Variants in ZFPM2 observed in about 807,000 individuals in gnomAD.
ZFPM2 encodes the protein zinc finger protein, FOG family member 2.
A neutral mutation model predicts 98.6 loss-of-function variants in ZFPM2; 20 were observed. The observed-to-expected ratio is 0.20, with a 90% CI of 0.14 to 0.29. The LOEUF is 0.29. Ranked by LOEUF, ZFPM2 falls within the 10% of genes least tolerant of loss-of-function variation. The probability of loss-of-function intolerance (pLI) is 1.00; values close to 1 mark genes in which losing one functional copy is unlikely to be tolerated. For missense variants in ZFPM2, 1,310 were observed against 1,388.6 expected, an observed-to-expected ratio of 0.94 and a Z score of 0.90; for synonymous variants, 518 against 502.7, an observed-to-expected ratio of 1.03 and a Z score of -0.41.
At chr8:105,779,394 C>G (rs566979728) in intron 5 of ZFPM2, among the ~76,000 whole-genome samples, 1 of 152,308 alleles carries the variant, frequency 6.6e-6, no homozygotes, top group South Asian at 2.1e-4. Flanking sequence ...AAGCAAGCGT[C>G]TATCAATCAC....
intron 1 of ZFPM2, among the ~76,000 whole-genome samples, chr8:105,326,671 A>G (rs1335008844): frequency 6.6e-6 from 1 of 151,684 alleles, no homozygotes; most frequent in East Asian, 1.9e-4. Flanking sequence ...ATAATAGTTA[A>G]TATTAAGTAG....
rs1484296760 is a variant in ZFPM2, at chr8:105,802,253, A to G, written c.2171A>G (p.Asn724Ser). ...HDPPLKRSAS[N>S]KVPAMQRTMR... is the part of the protein sequence containing the mutation. ...CCTCCACTGAAGAGGTCTGCTTCCA[A>G]CAAAGTGCCTGCCATGCAGAGAACC... Residue 724 changes from asparagine to serine, a missense_variant, in exon 8 of 8, where the codon AAC becomes AGC. Physicochemically the swap from Asn to Ser is conservative, Grantham distance 46. Transcript: ENST00000407775. 3.1e-6 allele frequency: 5 copies of G among 1,613,772 alleles called. No homozygotes were observed. Among genetic ancestry groups the G allele is most frequent in the East Asian group, 2.2e-5 (1 of 44,852 alleles).
intron 5 of ZFPM2, among the ~76,000 whole-genome samples, chr8:105,704,776 G>C (rs1056610718): frequency 6.6e-6 from 1 of 152,170 alleles, no homozygotes; most frequent in African/African-American, 2.4e-5. Context: ...GTGGACTACA[G>C]TTCAACTCCA....
At chr8:105,370,818 A>G (rs981918680) in intron 1 of ZFPM2, among the ~76,000 whole-genome samples, 1 of 152,218 alleles carries the variant, frequency 6.6e-6, no homozygotes, top group Non-Finnish European at 1.5e-5. Flanking sequence ...AATTTGCTCA[A>G]AGGAATCTAG....
At chr8:105,716,667 T>C (rs148296337) in intron 5 of ZFPM2, among the ~76,000 whole-genome samples, 3 of 152,152 alleles carry the variant, frequency 2.0e-5, no homozygotes, top group Non-Finnish European at 2.9e-5. Context: ...AAGATCCTCT[T>C]GATTTAGTCA....
chr8:105,405,578 C>T (rs1586348901), intron 1 of ZFPM2, among the ~76,000 whole-genome samples: 1 of 151,776 alleles, frequency 6.6e-6, no homozygotes, highest in Admixed American at 6.6e-5. Context: ...TGGTTTCCAG[C>T]TTCATCCATG....
At chr8:105,723,328 G>A (rs1811716178) in intron 5 of ZFPM2, among the ~76,000 whole-genome samples, 1 of 151,934 alleles carries the variant, frequency 6.6e-6, no homozygotes. Context: ...ATATTCAGTG[G>A]TATAATCGTT....
chr8:105,597,215 A>C (rs149051602), intron 4 of ZFPM2, among the ~76,000 whole-genome samples: 197 of 152,192 alleles, frequency 1.3e-3, no homozygotes, highest in African/African-American at 4.3e-3. Flanking sequence ...ATCAGTAATA[A>C]ATCTTTGAAT....
In ZFPM2 at chr8:105,481,840, G is replaced by C. The variant is rs147440649; in HGVS notation, c.301+37459G>C. Among the ~76,000 whole-genome samples the C allele has an allele frequency of 2.9e-3, 439 of 152,312 alleles. 4 individuals carry two copies. The highest frequency in any genetic ancestry group is 1.0e-2 in the African/African-American group (415 of 41,574). ...GATGCAGTCACAAACTAACTCGATAGTGTGTGTTGGAGCACAAATTCAAGC... is the reference window on the plus strand; with the variant it reads ...GATGCAGTCACAAACTAACTCGATACTGTGTGTTGGAGCACAAATTCAAGC... On this transcript the variant is annotated intron_variant, in intron 3 of 7. Coordinates refer to ENST00000407775, the MANE Select transcript of ZFPM2 (RefSeq NM_012082.4).
At chr8:105,794,560 G>C (rs866665839) in intron 6 of ZFPM2, among the ~76,000 whole-genome samples, 2 of 152,310 alleles carry the variant, frequency 1.3e-5, no homozygotes, top group East Asian at 1.9e-4. Flanking sequence ...GCAGTCTGCG[G>C]GTTCTCAGAT....
intron 2 of ZFPM2, among the ~76,000 whole-genome samples, chr8:105,441,932 G>A (rs1812259339): frequency 6.6e-6 from 1 of 152,056 alleles, no homozygotes; most frequent in African/African-American, 2.4e-5. Flanking sequence ...CTGCAAAATG[G>A]GGCACAGAAG....
chr8:105,517,221 T>A (rs1813943321), intron 3 of ZFPM2, among the ~76,000 whole-genome samples: 1 of 152,204 alleles, frequency 6.6e-6, no homozygotes, highest in Non-Finnish European at 1.5e-5. Flanking sequence ...AGTGGTCGAA[T>A]CTTAAGTAAC....
chr8:105,321,186 A>C (rs1453555318), intron 1 of ZFPM2, among the ~76,000 whole-genome samples: 2 of 152,190 alleles, frequency 1.3e-5, no homozygotes, highest in African/African-American at 4.8e-5. Context: ...TTTTAGTTGC[A>C]ATCTATTGAC....
Position 105,798,902 on chromosome 8 carries a change from C to T in ZFPM2, c.918C>T (p.Ser306=). The change falls in exon 7 of 8, where the codon AGC becomes AGT. Residue 306 remains serine (S), a synonymous_variant. Coordinates refer to ENST00000407775, the MANE Select transcript of ZFPM2 (RefSeq NM_012082.4). ...SLCPFPQCTK[S]FSNARALEMH... is the part of the protein sequence containing the mutation. ...GCCCCTTCCCACAGTGCACCAAGAG[C>T]TTTTCAAATGCTCGAGCTCTAGAAA... 6.2e-7 allele frequency: 1 copy of T among 1,613,954 alleles called. No individual in the cohort carries two copies. Among genetic ancestry groups the T allele is most frequent in the African/African-American group, 1.3e-5 (1 of 75,042 alleles).
intron 1 of ZFPM2, among the ~76,000 whole-genome samples, chr8:105,410,072 A>C (rs1811545041): frequency 6.6e-6 from 1 of 151,944 alleles, no homozygotes; most frequent in African/African-American, 2.4e-5. Flanking sequence ...TGGGTATTCT[A>C]AAATGGAGGA....
intron 3 of ZFPM2, among the ~76,000 whole-genome samples, chr8:105,517,706 AC>A (rs1554613622): frequency 0.17 from 6,158 of 37,192 alleles, 403 homozygotes; most frequent in African/African-American, 0.4. Flanking sequence ...ACACACACAC[AC>A]CACACACACA....
intron 3 of ZFPM2, among the ~76,000 whole-genome samples, chr8:105,509,044 G>C (rs535554121): frequency 6.6e-6 from 1 of 151,980 alleles, no homozygotes; most frequent in Non-Finnish European, 1.5e-5. Context: ...GCAGTAGAGC[G>C]CCGGGCCCAC....
At chr8:105,754,558 C>G (rs1812550476) in intron 5 of ZFPM2, among the ~76,000 whole-genome samples, 1 of 151,972 alleles carries the variant, frequency 6.6e-6, no homozygotes, top group Admixed American at 6.6e-5. Flanking sequence ...TGTCTAGGGC[C>G]CCTGATCTCA....
chr8:105,510,016 T>C (rs1220077363), intron 3 of ZFPM2, among the ~76,000 whole-genome samples: 1 of 152,088 alleles, frequency 6.6e-6, no homozygotes, highest in Non-Finnish European at 1.5e-5. Context: ...ACATCAGATA[T>C]ATATATATTA....
Sources: gnomAD v4.1 joint callset for allele counts (sites outside exome capture counted in the v4.1 genomes callset) on GRCh38, gnomAD v4.1.1 for gene constraint, MANE v1.5 for transcripts, NCBI Gene and HGNC (gene_info 2026-07-23, HGNC 2026-07-21) for gene names.